CBLB: variants seen among roughly 807,000 people sequenced by gnomAD.
CBLB encodes Cbl proto-oncogene B.
CBLB carries 31 observed loss-of-function variants against 104.9 expected under a neutral mutation model. That is an observed-to-expected ratio of 0.30 (90% CI 0.22 to 0.40). The LOEUF is 0.40. CBLB is among the 10% of genes least tolerant of loss of function. The pLI is 1.00. For synonymous variants in CBLB, 440 were observed against 422.6 expected (o/e 1.04, Z -0.51); for missense variants, 1,062 against 1,214.6 (o/e 0.87, Z 1.87).
chr3:105,714,937 AT>A (rs2071637011), intron 10 of CBLB, among the ~76,000 whole-genome samples: 1 of 152,240 alleles, frequency 6.6e-6, no homozygotes, highest in Non-Finnish European at 1.5e-5. Context: ...GATTTTAAAT[AT>A]TATTTTAAGA....
intron 4 of CBLB, among the ~76,000 whole-genome samples, chr3:105,759,173 TCAAAG>T (rs1334999092): frequency 6.6e-6 from 1 of 151,802 alleles, no homozygotes; most frequent in Non-Finnish European, 1.5e-5. Context: ...TCCCAAGGAG[TCAAAG>T]AGACTCAAAT....
At chr3:105,827,526 G>A (rs2086780256) in intron 3 of CBLB, among the ~76,000 whole-genome samples, 1 of 152,016 alleles carries the variant, frequency 6.6e-6, no homozygotes, top group African/African-American at 2.4e-5. Context: ...GTAACGCCAG[G>A]AACCTGGTCT....
At chr3:105,794,954 T>C (rs2082092099) in intron 3 of CBLB, among the ~76,000 whole-genome samples, 1 of 151,598 alleles carries the variant, frequency 6.6e-6, no homozygotes, top group African/African-American at 2.4e-5. Flanking sequence ...TCTCACTCTG[T>C]CGCCGGGCTG....
In CBLB at chr3:105,846,632, G is replaced by A. The variant is rs114099055; in HGVS notation, c.419+6782C>T. On this transcript the variant is annotated intron_variant, in intron 3 of 18. Transcript: ENST00000394030. ...AAAAAATGTAAATTGGAGTCAGGAA[G>A]CCAACCAAAGTTACAAAGAACACTG... 5.1e-3 allele frequency among the ~76,000 whole-genome samples: 782 copies of A among 152,168 alleles called. 5 individuals are homozygous for A. The highest frequency in any genetic ancestry group is 0.018 in the African/African-American group (765 of 41,546).
chr3:105,683,988 T>C (rs1031181349), intron 14 of CBLB, among the ~76,000 whole-genome samples: 4 of 152,258 alleles, frequency 2.6e-5, no homozygotes, highest in African/African-American at 9.6e-5. Context: ...CTGCATTTCC[T>C]ACCTCAGTGA....
chr3:105,696,841 T>C (rs1240864953), intron 12 of CBLB, among the ~76,000 whole-genome samples: 1 of 151,950 alleles, frequency 6.6e-6, no homozygotes, highest in Non-Finnish European at 1.5e-5. Context: ...GCCTACTCTT[T>C]TTATGCTATA....
At chr3:105,803,745 A>C (rs2083175461) in intron 3 of CBLB, among the ~76,000 whole-genome samples, 1 of 152,250 alleles carries the variant, frequency 6.6e-6, no homozygotes, top group African/African-American at 2.4e-5. Flanking sequence ...AGCCGGGTAC[A>C]CATTCTTAAA....
At chr3:105,865,348 A>T (rs969600456) in intron 2 of CBLB, among the ~76,000 whole-genome samples, 1 of 152,206 alleles carries the variant, frequency 6.6e-6, no homozygotes, top group Non-Finnish European at 1.5e-5. Flanking sequence ...GCCCCTGGGT[A>T]CATTCACAAA....
At chr3:105,798,731 C>CT (rs547500709) in intron 3 of CBLB, among the ~76,000 whole-genome samples, 198 of 152,092 alleles carry the variant, frequency 1.3e-3, no homozygotes, top group Non-Finnish European at 2.4e-3. Flanking sequence ...AAGAGCTACT[C>CT]TTTTTTTTCC....
chr3:105,740,820 A>G (rs2075448458), intron 6 of CBLB, among the ~76,000 whole-genome samples, 189 bp from the exon 7 acceptor site: 1 of 152,202 alleles, frequency 6.6e-6, no homozygotes, highest in African/African-American at 2.4e-5. Flanking sequence ...CAAGAGAAAC[A>G]CTGATCATTT....
chr3:105,765,886 T>G (rs570597670), intron 4 of CBLB, among the ~76,000 whole-genome samples: 5 of 152,232 alleles, frequency 3.3e-5, no homozygotes, highest in African/African-American at 1.2e-4. Context: ...CCATTTTGAC[T>G]TTCAAGTCTT....
chr3:105,823,635 C>T (rs1471802577), intron 3 of CBLB, among the ~76,000 whole-genome samples: 1 of 152,150 alleles, frequency 6.6e-6, no homozygotes, highest in Admixed American at 6.6e-5. Flanking sequence ...TATTGCTTTG[C>T]TGCTGGTTAC....
intron 2 of CBLB, among the ~76,000 whole-genome samples, chr3:105,865,419 C>G (rs2092370700): frequency 6.6e-6 from 1 of 152,102 alleles, no homozygotes; most frequent in Admixed American, 6.5e-5. Flanking sequence ...GTACATTTGC[C>G]AACACCCGCA....
rs969750669 is a variant in CBLB at position 105,656,322 on chromosome 3, GA to G, written c.*2647del. ...GTTACCAAATCTTGAGAAATGGAAGGAATGTCTAACTTTTTGGATCACAGTG... is the reference window on the plus strand; with the variant it reads ...GTTACCAAATCTTGAGAAATGGAAGGATGTCTAACTTTTTGGATCACAGTG... On this transcript the variant is annotated 3_prime_UTR_variant, in exon 19 of 19. Transcript: ENST00000394030. 6.3e-5 allele frequency: 13 copies of G among 205,282 alleles called. No individual in the cohort carries two copies. Among genetic ancestry groups the G allele is most frequent in the African/African-American group, 3.0e-4 (13 of 43,812 alleles). The allele number at this position is 205,282 out of a possible 1,614,324, so 12.7% of individuals were successfully genotyped here.
intron 3 of CBLB, among the ~76,000 whole-genome samples, chr3:105,845,553 T>A (rs1249048523): frequency 6.6e-6 from 1 of 151,672 alleles, no homozygotes; most frequent in East Asian, 1.9e-4. Context: ...GAAACTGCTA[T>A]TAAAAAAAAA....
intron 6 of CBLB, among the ~76,000 whole-genome samples, chr3:105,743,459 C>CA (rs11373751): frequency 0.58 from 75,922 of 131,006 alleles, 21,848 homozygotes; most frequent in Middle Eastern, 0.7. Flanking sequence ...GACTCTGTCT[C>CA]AAAAAAAAAA....
At position 105,700,543 on chromosome 3, in the gene CBLB, G is replaced by A. The variant is rs1483817810; in HGVS notation, c.1959+1551C>T. 2.0e-5 allele frequency among the ~76,000 whole-genome samples: 3 copies of A among 151,810 alleles called. 1 individual carries two copies. In the East Asian group the frequency reaches 5.8e-4, roughly 29 times the overall value. The stretch of plus-strand genomic sequence containing the variant: ...CTTCCAATCAGCATTCTAGGTTGTG[G>A]AAAAACTCTTTTGAGGAGGAGCTCC... On this transcript the variant is annotated intron_variant, in intron 12 of 18. Coordinates refer to ENST00000394030, the MANE Select transcript of CBLB (RefSeq NM_170662.5).
chr3:105,690,211 T>C (rs1476761409), intron 13 of CBLB, among the ~76,000 whole-genome samples: 2 of 152,190 alleles, frequency 1.3e-5, no homozygotes, highest in Non-Finnish European at 2.9e-5. Context: ...CAGAAGTGTA[T>C]GTTTGGTAGG....
chr3:105,773,313 AC>A (rs2079079613), intron 4 of CBLB, among the ~76,000 whole-genome samples: 1 of 152,220 alleles, frequency 6.6e-6, no homozygotes, highest in East Asian at 1.9e-4. Context: ...GTATGTTCTC[AC>A]TTATAAGTGG....
Sources: allele counts gnomAD v4.1 joint callset (sites outside exome capture counted in the v4.1 genomes callset), GRCh38; gene constraint gnomAD v4.1.1; transcripts MANE v1.5; gene names NCBI Gene and HGNC (gene_info 2026-07-23, HGNC 2026-07-21).